The following GTF2F2 variants were observed in gnomAD, a reference collection of about 807,000 sequenced individuals.
GTF2F2 encodes the protein ATP-dependent helicase GTF2F2.
Under a neutral mutation model 42.2 loss-of-function variants are expected in GTF2F2, and 23 were observed. The ratio of observed to expected loss-of-function variants is 0.55; its 90% CI spans 0.39 to 0.77. The LOEUF is 0.77. Ranked by LOEUF, GTF2F2 falls within the 30% of genes least tolerant of loss-of-function variation. GTF2F2 has a pLI of 0.00. For missense variants in GTF2F2, 261 were observed against 287.2 expected (o/e 0.91, Z 0.66); for synonymous variants, 105 against 100.8 (o/e 1.04, Z -0.25).
intron 2 of GTF2F2, among the ~76,000 whole-genome samples, chr13:45,140,401 T>C (rs1016475147): frequency 2.0e-5 from 3 of 152,228 alleles, no homozygotes; most frequent in African/African-American, 7.2e-5. Flanking sequence ...GGCCTTTTAT[T>C]GGTCAGAAAA....
chr13:45,273,602 A>AT (rs1876892936), intron 7 of GTF2F2, among the ~76,000 whole-genome samples: 1 of 151,776 alleles, frequency 6.6e-6, no homozygotes, highest in Admixed American at 6.6e-5. Flanking sequence ...GCCCTTACCA[A>AT]TAAAATCTCC....
At chr13:45,200,977 A>C (rs1873155004) in intron 4 of GTF2F2, among the ~76,000 whole-genome samples, 2 of 152,178 alleles carry the variant, frequency 1.3e-5, no homozygotes, top group Admixed American at 1.3e-4. Flanking sequence ...CTGGGTTTTT[A>C]CAGGAGCTGG....
intron 1 of GTF2F2, among the ~76,000 whole-genome samples, chr13:45,126,426 A>G (rs1869006045): frequency 6.6e-6 from 1 of 151,780 alleles, no homozygotes; most frequent in African/African-American, 2.4e-5. Context: ...TAATTTTTGT[A>G]TTTTTAGTAG....
intron 3 of GTF2F2, among the ~76,000 whole-genome samples, chr13:45,150,053 A>G (rs1426610980): frequency 6.6e-6 from 1 of 152,208 alleles, no homozygotes; most frequent in Non-Finnish European, 1.5e-5. Context: ...ATACTTTACT[A>G]ATACGTTAGT....
intron 2 of GTF2F2, among the ~76,000 whole-genome samples, chr13:45,138,356 C>T (rs1024360808): frequency 3.3e-5 from 5 of 152,168 alleles, no homozygotes; most frequent in African/African-American, 9.7e-5. Flanking sequence ...TCCTTATTTT[C>T]TTTGTGTTCC....
At chr13:45,280,329 T>C (rs1877209811) in intron 7 of GTF2F2, among the ~76,000 whole-genome samples, 1 of 152,224 alleles carries the variant, frequency 6.6e-6, no homozygotes, top group Non-Finnish European at 1.5e-5. Context: ...GAAGGACATG[T>C]GCTCTTTCTG....
At chr13:45,174,285 T>C (rs949541245) in intron 4 of GTF2F2, among the ~76,000 whole-genome samples, 8 of 152,210 alleles carry the variant, frequency 5.3e-5, no homozygotes, top group African/African-American at 1.4e-4. Context: ...CACAAAACTT[T>C]TCCAGAGAAG....
At chr13:45,205,543 C>CG (rs1462898249) in intron 4 of GTF2F2, among the ~76,000 whole-genome samples, 4 of 152,102 alleles carry the variant, frequency 2.6e-5, no homozygotes, top group Non-Finnish European at 5.9e-5. Flanking sequence ...TTTTTTGAGA[C>CG]GGAGTCTTGC....
chr13:45,273,815 C>A (rs1416730762), intron 7 of GTF2F2, among the ~76,000 whole-genome samples: 1 of 151,878 alleles, frequency 6.6e-6, no homozygotes, highest in African/African-American at 2.4e-5. Flanking sequence ...CCACCATGCC[C>A]AGCTAAAATT....
intron 4 of GTF2F2, among the ~76,000 whole-genome samples, chr13:45,168,606 C>G (rs1438813884): frequency 6.6e-6 from 1 of 152,044 alleles, no homozygotes; most frequent in Non-Finnish European, 1.5e-5. Flanking sequence ...AATAAACTAC[C>G]TGAACTTTAT....
chr13:45,151,660 A>G (rs1369551949), intron 3 of GTF2F2, 27 bp from the exon 4 acceptor site: 1 of 1,499,864 alleles, frequency 6.7e-7, no homozygotes, highest in Non-Finnish European at 9.2e-7. Context: ...GAAGTCTGTT[A>G]TAATCTCTGG....
intron 5 of GTF2F2, among the ~76,000 whole-genome samples, chr13:45,241,872 G>A (rs1173221880): frequency 6.6e-6 from 1 of 152,094 alleles, no homozygotes; most frequent in African/African-American, 2.4e-5. Context: ...CATGGTCCCT[G>A]TTTTCATGAA....
intron 1 of GTF2F2, among the ~76,000 whole-genome samples, chr13:45,121,367 G>A (rs1324612522): frequency 1.3e-5 from 2 of 152,156 alleles, no homozygotes; most frequent in African/African-American, 4.8e-5. Flanking sequence ...TTCATATTGG[G>A]GAGTGTTTTC....
At chr13:45,198,191 A>G (rs1252852671) in intron 4 of GTF2F2, among the ~76,000 whole-genome samples, 1 of 152,248 alleles carries the variant, frequency 6.6e-6, no homozygotes, top group African/African-American at 2.4e-5. Context: ...GGTAATACTA[A>G]TGTCCTACCA....
chr13:45,172,510 G>T (rs527628552), intron 4 of GTF2F2, among the ~76,000 whole-genome samples: 72 of 152,180 alleles, frequency 4.7e-4, no homozygotes, highest in African/African-American at 1.7e-3. Flanking sequence ...TTACTTTTCT[G>T]ATGGTATTCG....
At chr13:45,263,374 G>A (rs1876425773) in intron 6 of GTF2F2, among the ~76,000 whole-genome samples, 1 of 151,886 alleles carries the variant, frequency 6.6e-6, no homozygotes, top group African/African-American at 2.4e-5. Flanking sequence ...GACTTCAGGC[G>A]CCCGCCACCA....
At chr13:45,232,852 T>G (rs891687865) in intron 5 of GTF2F2, among the ~76,000 whole-genome samples, 9 of 152,220 alleles carry the variant, frequency 5.9e-5, no homozygotes, top group African/African-American at 2.2e-4. Flanking sequence ...TGTAAGTGTG[T>G]ACTTTGCAGA....
intron 6 of GTF2F2, among the ~76,000 whole-genome samples, chr13:45,262,664 C>G (rs1442731299): frequency 1.3e-5 from 2 of 152,142 alleles, no homozygotes; most frequent in African/African-American, 4.8e-5. Context: ...AGCGATCCGC[C>G]CACCCCAGCC....
chr13:45,274,669 G>T (rs948226231), intron 7 of GTF2F2, among the ~76,000 whole-genome samples: 2 of 152,086 alleles, frequency 1.3e-5, no homozygotes, highest in African/African-American at 4.8e-5. Context: ...GGCCAGATGT[G>T]TTGGCTCATA....
Sources: allele counts gnomAD v4.1 joint callset (sites outside exome capture counted in the v4.1 genomes callset), GRCh38; gene constraint gnomAD v4.1.1; transcripts MANE v1.5; gene names NCBI Gene and HGNC (gene_info 2026-07-23, HGNC 2026-07-21).